Variants in RUFY1 observed in about 807,000 individuals in gnomAD.
RUFY1 encodes RUN and FYVE domain containing 1.
A neutral mutation model predicts 94.6 loss-of-function variants in RUFY1; 54 were observed. That is an observed-to-expected ratio of 0.57 (90% CI 0.46 to 0.72). RUFY1 has a LOEUF of 0.72. Ranked by LOEUF, RUFY1 falls within the 30% of genes least tolerant of loss-of-function variation. The pLI is 0.00. For missense variants in RUFY1, 883 were observed against 883.9 expected, an observed-to-expected ratio of 1.00 and a Z score of 0.01; for synonymous variants, 396 against 347.3, an observed-to-expected ratio of 1.14 and a Z score of -1.56.
rs147243733 is a variant in RUFY1, at chr5:179,599,126, T to G, written c.1761+305T>G. ...GGTGAGCAGAGGCTCCAGTGAGTTA[T>G]GCCCTGCAAAGCACCTCTTGGGTGG... On this transcript the variant is annotated intron_variant, in intron 14 of 17. Transcript: ENST00000319449. The G allele has an allele frequency of 2.9e-4, 90 of 311,900 alleles. No individual in the cohort carries two copies. The East Asian group carries it at 4.8e-3, about 17-fold the overall frequency. The allele number at this position is 311,900 out of a possible 1,614,324, so 19.3% of individuals were successfully genotyped here.
chr5:179,580,339 T>A (rs376689007), intron 6 of RUFY1, among the ~76,000 whole-genome samples: 1 of 150,220 alleles, frequency 6.7e-6, no homozygotes, highest in Non-Finnish European at 1.5e-5. Flanking sequence ...GCCTCCCGGG[T>A]TCACGCCATT....
chr5:179,564,009 C>T (rs945548634), intron 3 of RUFY1, among the ~76,000 whole-genome samples: 1 of 151,976 alleles, frequency 6.6e-6, no homozygotes, highest in Non-Finnish European at 1.5e-5. Context: ...AGTCTACTGC[C>T]CTGCGTCTTC....
chr5:179,605,985 G>A (rs1164320115), intron 16 of RUFY1, 61 bp downstream of exon 16: 26 of 1,070,684 alleles, frequency 2.4e-5, no homozygotes, highest in South Asian at 1.0e-4. Context: ...CCGTGTGCTC[G>A]TACGTTTAAG....
intron 6 of RUFY1, among the ~76,000 whole-genome samples, chr5:179,580,385 GGCGCC>G (rs1764050405): frequency 1.3e-5 from 2 of 151,646 alleles, no homozygotes; most frequent in African/African-American, 4.8e-5. Context: ...TGGGACTACA[GGCGCC>G]CGCCACCACG....
At position 179,567,484 on chromosome 5, in the gene RUFY1, C is replaced by A. The variant is rs756420861; in HGVS notation, c.626C>A (p.Ala209Glu). Residue 209 changes from alanine (A) to glutamate (E), a missense_variant, in exon 4 of 18, where the codon GCG becomes GAG. Transcript: ENST00000319449. ...ELKTAVGRGRAWLYLALMQKK... is the reference protein window; with the variant it reads ...ELKTAVGRGREWLYLALMQKK... Reference sequence around the variant, plus strand: ...AGGACAGCTGTGGGAAGAGGCCGAGCGTGGCTTTATCTTGCACTCATGCAA... The same window carrying A: ...AGGACAGCTGTGGGAAGAGGCCGAGAGTGGCTTTATCTTGCACTCATGCAA... 1 of 1,613,802 alleles carries A rather than the reference C, an allele frequency of 6.2e-7. No individual in the cohort carries two copies. The highest frequency in any genetic ancestry group is 8.5e-7 in the Non-Finnish European group (1 of 1,179,682).
At chr5:179,578,390 T>A (rs768987190) in intron 6 of RUFY1, among the ~76,000 whole-genome samples, 91 of 152,066 alleles carry the variant, frequency 6.0e-4, no homozygotes, top group Middle Eastern at 3.4e-3. Context: ...ATTTTTTTTT[T>A]TTATTTTTAG....
intron 2 of RUFY1, among the ~76,000 whole-genome samples, chr5:179,560,838 G>A (rs1762404496): frequency 6.6e-6 from 1 of 151,730 alleles, no homozygotes; most frequent in Non-Finnish European, 1.5e-5. Flanking sequence ...TTGCTAAAAT[G>A]TTTTAAAATT....
chr5:179,551,997 C>T (rs961939885), intron 1 of RUFY1, among the ~76,000 whole-genome samples: 2 of 151,194 alleles, frequency 1.3e-5, no homozygotes, highest in East Asian at 2.0e-4. Context: ...AACCCCGTCT[C>T]TACTAAAAAT....
intron 1 of RUFY1, among the ~76,000 whole-genome samples, chr5:179,559,482 G>C (rs1762275090): frequency 6.6e-6 from 1 of 152,212 alleles, no homozygotes; most frequent in Non-Finnish European, 1.5e-5. Flanking sequence ...GCACTATCCG[G>C]CAAGAGAGAA....
At chr5:179,561,452 A>G (rs1298255171) in intron 2 of RUFY1, among the ~76,000 whole-genome samples, 1 of 152,054 alleles carries the variant, frequency 6.6e-6, no homozygotes, top group East Asian at 1.9e-4. Context: ...TAAAGGGAGA[A>G]ATGTGTCCTA....
Position 179,582,494 on chromosome 5 carries a change from G to A in RUFY1, c.956+1482G>A, listed in dbSNP as rs1581489985. On this transcript the variant is annotated intron_variant, in intron 7 of 17. Transcript: ENST00000319449. ...TTCCCTGGTTAGCCTCCCAACTGCT[G>A]GGTTATAGGCATGAGCCACCTCGCC... 3.3e-5 allele frequency among the ~76,000 whole-genome samples: 5 copies of A among 152,256 alleles called. 1 individual carries two copies. The highest frequency in any genetic ancestry group is 3.3e-4 in the Admixed American group (5 of 15,284).
chr5:179,564,144 A>G (rs1404329147), intron 3 of RUFY1, among the ~76,000 whole-genome samples: 9 of 132,848 alleles, frequency 6.8e-5, no homozygotes, highest in Non-Finnish European at 1.1e-4. Context: ...TTTGAGATAG[A>G]GTTTCGCTCT....
chr5:179,602,133 A>G, intron 15 of RUFY1, 147 bp downstream of exon 15: 1 of 653,964 alleles, frequency 1.5e-6, no homozygotes, highest in Non-Finnish European at 2.7e-6. Context: ...GCTCTCAGGA[A>G]GCCCGGCCTC....
Position 179,550,688 on chromosome 5 carries a change from A to G in RUFY1, c.119A>G (p.Asp40Gly). The G allele has an allele frequency of 6.7e-7, 1 of 1,498,394 alleles. No homozygotes were observed. Among genetic ancestry groups the G allele is most frequent in the East Asian group, 2.8e-5 (1 of 35,440 alleles). 92.8% of individuals were successfully genotyped at this position (1,498,394 alleles called of 1,614,324 possible). The part of the protein sequence containing the change: ...LEPGEEFEIV[D>G]RSQLPGPGDL... The stretch of plus-strand genomic sequence containing the variant: ...CCGGGAGAAGAGTTTGAGATCGTGG[A>G]CCGAAGCCAGCTGCCCGGCCCAGGC... The change falls in exon 1 of 18, where the codon GAC becomes GGC. Residue 40 changes from aspartate (D) to glycine (G), a missense_variant. Transcript: ENST00000319449.
intron 1 of RUFY1, among the ~76,000 whole-genome samples, chr5:179,557,883 C>A (rs984167755): frequency 1.3e-5 from 2 of 152,108 alleles, no homozygotes; most frequent in Non-Finnish European, 2.9e-5. Flanking sequence ...AAGGGCGACA[C>A]CACCTCCATT....
intron 9 of RUFY1, 93 bp downstream of exon 9, chr5:179,589,740 T>C (rs1398768182): frequency 7.1e-6 from 7 of 983,316 alleles, no homozygotes; most frequent in East Asian, 2.4e-5. Context: ...AACCCAGTCT[T>C]CAGAATGCAA....
Position 179,600,684 on chromosome 5 carries a change from C to CTTTTTTTTTTTTTTTT in RUFY1, c.1762-1193_1762-1178dup, listed in dbSNP as rs398000079. ...AGCCTCATTTGTCCTATGATGGTAA[C>CTTTTTTTTTTTTTTTT]TTTTTTTTTTTTTTTTTTTTTTTTT... On this transcript the variant is annotated intron_variant, in intron 14 of 17. Transcript: ENST00000319449. Among the ~76,000 whole-genome samples, 20 of 54,708 alleles carry CTTTTTTTTTTTTTTTT rather than the reference C, an allele frequency of 3.7e-4. 5 individuals carry two copies. The highest frequency in any genetic ancestry group is 1.6e-3 in the African/African-American group (20 of 12,446). The allele number at this position is 54,708 out of a possible 152,430, so 35.9% of individuals were successfully genotyped here.
chr5:179,559,020 T>A (rs918851953), intron 1 of RUFY1, among the ~76,000 whole-genome samples: 1 of 152,212 alleles, frequency 6.6e-6, no homozygotes, highest in African/African-American at 2.4e-5. Context: ...TTAACCTCAG[T>A]AGTAATTGGA....
chr5:179,561,447 G>A (rs1762445860), intron 2 of RUFY1, among the ~76,000 whole-genome samples: 1 of 151,700 alleles, frequency 6.6e-6, no homozygotes, highest in Non-Finnish European at 1.5e-5. Context: ...GATCCTAAAG[G>A]GAGAAATGTG....
Sources: allele counts gnomAD v4.1 joint callset (sites outside exome capture counted in the v4.1 genomes callset), GRCh38; gene constraint gnomAD v4.1.1; transcripts MANE v1.5; gene names NCBI Gene and HGNC (gene_info 2026-07-23, HGNC 2026-07-21).